Variants in SLMAP observed in about 807,000 individuals in gnomAD.
The protein encoded by SLMAP is sarcolemmal membrane-associated protein.
SLMAP carries 44 observed loss-of-function variants against 128.8 expected under a neutral mutation model. The observed-to-expected ratio is 0.34, with a 90% confidence interval of 0.27 to 0.44. The LOEUF (loss-of-function observed/expected upper bound fraction) is 0.44, where lower values mean the gene tolerates loss of function less well. Ranked by LOEUF, SLMAP falls within the 20% of genes least tolerant of loss-of-function variation. The pLI is 1.00. For missense variants in SLMAP, 787 were observed against 985.3 expected, an observed-to-expected ratio of 0.80 and a Z score of 2.69; for synonymous variants, 327 against 348.8, an observed-to-expected ratio of 0.94 and a Z score of 0.70.
At chr3:57,904,975 G>A (rs1012135379) in intron 17 of SLMAP, among the ~76,000 whole-genome samples, 6 of 152,162 alleles carry the variant, frequency 3.9e-5, no homozygotes, top group African/African-American at 1.4e-4. Context: ...GCTGAGGAAG[G>A]GGGATAGCTT....
intron 15 of SLMAP, among the ~76,000 whole-genome samples, chr3:57,891,878 G>A (rs1370705349): frequency 1.3e-5 from 2 of 152,000 alleles, no homozygotes; most frequent in Non-Finnish European, 2.9e-5. Context: ...TGTCCGGCCT[G>A]GGTTTTTAAT....
chr3:57,836,125 T>C (rs1420289932), intron 3 of SLMAP, among the ~76,000 whole-genome samples: 1 of 152,156 alleles, frequency 6.6e-6, no homozygotes, highest in Admixed American at 6.5e-5. Context: ...ATAATTTCAT[T>C]ATTTAAAATA....
At chr3:57,891,171 G>A (rs1212096606) in intron 15 of SLMAP, 1 of 150,808 alleles carries the variant, frequency 6.6e-6, no homozygotes, top group African/African-American at 2.4e-5. Context: ...CAGATTAGTT[G>A]GTTGAATAGC....
At chr3:57,885,155 C>T (rs1466012801) in intron 14 of SLMAP, among the ~76,000 whole-genome samples, 1 of 147,190 alleles carries the variant, frequency 6.8e-6, no homozygotes, top group Non-Finnish European at 1.5e-5. Context: ...TCACCACAAC[C>T]TCCACCACCC....
At chr3:57,889,554 A>T (rs1168808766) in intron 14 of SLMAP, among the ~76,000 whole-genome samples, 2 of 152,208 alleles carry the variant, frequency 1.3e-5, no homozygotes, top group Non-Finnish European at 2.9e-5. Flanking sequence ...AAAACAAAAC[A>T]AAATTTTTTT....
chr3:57,886,309 G>C (rs1044983049), intron 14 of SLMAP, among the ~76,000 whole-genome samples: 1 of 151,688 alleles, frequency 6.6e-6, no homozygotes, highest in Admixed American at 6.6e-5. Flanking sequence ...ATGTTGGCCA[G>C]GCTGGTCTCG....
chr3:57,843,514 C>G (rs2094066015), intron 4 of SLMAP, among the ~76,000 whole-genome samples: 1 of 151,258 alleles, frequency 6.6e-6, no homozygotes. Flanking sequence ...CCATGTTGCC[C>G]AGGCTGCTCT....
intron 2 of SLMAP, among the ~76,000 whole-genome samples, chr3:57,772,847 T>G (rs1003112867): frequency 2.0e-5 from 3 of 151,972 alleles, no homozygotes; most frequent in Non-Finnish European, 4.4e-5. Context: ...TCCATGTTGG[T>G]CAGGCTGGTC....
chr3:57,896,429 G>C (rs891824015), intron 15 of SLMAP, 82 bp from the exon 16 acceptor site: 2 of 1,453,036 alleles, frequency 1.4e-6, no homozygotes, highest in African/African-American at 1.5e-5. Context: ...TGTAGATTTT[G>C]AGCATTCATA....
intron 2 of SLMAP, among the ~76,000 whole-genome samples, chr3:57,820,476 A>G (rs904048220): frequency 6.6e-6 from 1 of 152,154 alleles, no homozygotes; most frequent in African/African-American, 2.4e-5. Flanking sequence ...GAAATAGATT[A>G]ATCACTGCCA....
chr3:57,913,214 C>G lies in SLMAP; in HGVS notation c.2077C>G (p.Leu693Val). ...TGCATTGGAAACCGAATGCCATTCT[C>G]TAAAAAGGGAAAATGTTTTGCTATC... ...WNALETECHS[L>V]KRENVLLSSE... The change falls in exon 21 of 25, where the codon CTA becomes GTA. Residue 693 changes from leucine to valine, a missense_variant. Physicochemically the swap from Leu to Val is conservative, Grantham distance 32 (BLOSUM62 1). Around this residue, in one of 2 missense-constraint regions of SLMAP, gnomAD observed 715 missense variants for 843.6 expected, o/e 0.85. Transcript: ENST00000671191. The G allele has an allele frequency of 6.2e-7, 1 of 1,601,196 alleles. No homozygotes were observed. The highest frequency in any genetic ancestry group is 2.2e-5 in the East Asian group (1 of 44,636).
At chr3:57,853,439 G>C (rs1453829941) in intron 6 of SLMAP, among the ~76,000 whole-genome samples, 5 of 152,194 alleles carry the variant, frequency 3.3e-5, no homozygotes, top group Admixed American at 1.3e-4. Context: ...ATACTTCTCT[G>C]TTGAGGTGTC....
chr3:57,784,566 A>G (rs2083705924), intron 2 of SLMAP, among the ~76,000 whole-genome samples: 1 of 152,176 alleles, frequency 6.6e-6, no homozygotes, highest in Non-Finnish European at 1.5e-5. Context: ...ATACTTCAGG[A>G]TGAATCATGC....
At chr3:57,906,270 G>C (rs960278163) in intron 17 of SLMAP, among the ~76,000 whole-genome samples, 1 of 119,964 alleles carries the variant, frequency 8.3e-6, no homozygotes, top group African/African-American at 2.9e-5. Flanking sequence ...AAGTTGACTA[G>C]AGTAGCTGAA....
At chr3:57,820,262 G>T (rs564332712) in intron 2 of SLMAP, among the ~76,000 whole-genome samples, 2 of 151,980 alleles carry the variant, frequency 1.3e-5, no homozygotes, top group African/African-American at 4.8e-5. Context: ...TTAAAATATT[G>T]GTATTAATAA....
intron 2 of SLMAP, among the ~76,000 whole-genome samples, chr3:57,765,402 G>T (rs2153434880): frequency 6.6e-6 from 1 of 152,144 alleles, no homozygotes; most frequent in East Asian, 1.9e-4. Context: ...AAAAAAATAT[G>T]GGGTTAAGGG....
intron 2 of SLMAP, among the ~76,000 whole-genome samples, chr3:57,771,159 C>T (rs1267010068): frequency 7.0e-6 from 1 of 143,522 alleles, no homozygotes; most frequent in Non-Finnish European, 1.5e-5. Flanking sequence ...CTCCCCTCCC[C>T]TCCCCTCCCC....
intron 19 of SLMAP, among the ~76,000 whole-genome samples, chr3:57,909,544 A>G (rs2096644346): frequency 6.6e-6 from 1 of 151,578 alleles, no homozygotes; most frequent in Non-Finnish European, 1.5e-5. Flanking sequence ...GAAGGCAGAG[A>G]GTCCCCATTT....
chr3:57,923,304 G>C (rs982004050), intron 23 of SLMAP, among the ~76,000 whole-genome samples: 5 of 152,202 alleles, frequency 3.3e-5, no homozygotes, highest in African/African-American at 1.2e-4. Flanking sequence ...TCCCAGATGA[G>C]TCTGAAGCTC....
Sources: allele counts gnomAD v4.1 joint callset (sites outside exome capture counted in the v4.1 genomes callset), GRCh38; gene constraint gnomAD v4.1.1; regional missense constraint gnomAD v4.1.1; transcripts MANE v1.5; gene names NCBI Gene and HGNC (gene_info 2026-07-23, HGNC 2026-07-21).